RTBDN: variants seen among roughly 807,000 people sequenced by gnomAD.
RTBDN encodes retbindin.
A neutral mutation model predicts 21.9 loss-of-function variants in RTBDN; 24 were observed. The observed-to-expected ratio is 1.10, with a 90% CI of 0.79 to 1.54. RTBDN has a LOEUF of 1.54. Among genes scored for constraint, RTBDN ranks in the 40% most tolerant of loss-of-function variants. The probability of loss-of-function intolerance (pLI) is 0.00; values close to 1 mark genes in which losing one functional copy is unlikely to be tolerated. For synonymous variants in RTBDN, 141 were observed against 125.9 expected (o/e 1.12, Z -0.80); for missense variants, 325 against 315.2 (o/e 1.03, Z -0.23).
Position 12,834,472 on chromosome 19 carries a change from C to G in RTBDN, c.-19+17G>C. On this transcript the variant is annotated intron_variant, in intron 1 of 5. Transcript: ENST00000674343. This position sits in a 1 kb window ranked among gnomAD's most constrained non-coding sequence, Gnocchi z 4.7. ...GCCCCCTCCCGAGGCATAGGACGCCCTGCGTCCCCCACGCACCTGCCTGGC... is the reference window on the plus strand; with the variant it reads ...GCCCCCTCCCGAGGCATAGGACGCCGTGCGTCCCCCACGCACCTGCCTGGC... 4.6e-6 allele frequency: 7 copies of G among 1,524,684 alleles called. No homozygotes were observed. Among genetic ancestry groups the G allele is most frequent in the Non-Finnish European group, 6.2e-6 (7 of 1,136,400 alleles). 94.4% of individuals were successfully genotyped at this position (1,524,684 alleles called of 1,614,324 possible).
rs529170216 is a variant in RTBDN, at chr19:12,834,439, C to T, written c.-19+50G>A. 3.5e-5 allele frequency: 50 copies of T among 1,425,278 alleles called. No homozygotes were observed. In the South Asian group the frequency reaches 5.0e-4, roughly 14 times the overall value. The allele number at this position is 1,425,278 out of a possible 1,614,324, so 88.3% of individuals were successfully genotyped here. Reference sequence around the variant, plus strand: ...TGTGCGGCAACCTCGCCCCTCACCACCCCAGGAGCCCCCTCCCGAGGCATA... The same window carrying T: ...TGTGCGGCAACCTCGCCCCTCACCATCCCAGGAGCCCCCTCCCGAGGCATA... On this transcript the variant is annotated intron_variant, in intron 1 of 5. Coordinates refer to ENST00000674343, the MANE Select transcript of RTBDN (RefSeq NM_001270441.2). This position sits in a 1 kb window ranked among gnomAD's most constrained non-coding sequence, Gnocchi z 4.7.
rs776889573 is a variant in RTBDN at position 12,830,192 on chromosome 19, A to G, written c.-18-195T>C. 3.5e-5 allele frequency: 47 copies of G among 1,350,450 alleles called. No homozygotes were observed. The Middle Eastern group carries it at 1.1e-3, about 31-fold the overall frequency. 83.7% of individuals were successfully genotyped at this position (1,350,450 alleles called of 1,614,324 possible). A position where few individuals can be genotyped will look rare whatever the true frequency, so the allele number is the denominator to read the frequency against. ...CCTCCAACCTAGGAGCCCCCCTCCC[A>G]TCAGAACCATGTCCTCTATGTCCCT... On this transcript the variant is annotated intron_variant, in intron 1 of 5. Coordinates refer to ENST00000674343, the MANE Select transcript of RTBDN (RefSeq NM_001270441.2). The surrounding 1 kb of genome is among the most constrained non-coding windows in gnomAD (Gnocchi z 4.2).
At chr19:12,826,053 G>C (rs984402213) in intron 5 of RTBDN, 120 bp from the exon 6 acceptor site, 2 of 1,425,274 alleles carry the variant, frequency 1.4e-6, no homozygotes, top group Admixed American at 3.0e-5. Context: ...GGAGCGTGCG[G>C]CCTGGGAGTC....
intron 1 of RTBDN, chr19:12,833,916 C>T (rs1182220186): frequency 1.0e-5 from 4 of 396,440 alleles, no homozygotes; most frequent in African/African-American, 6.2e-5. Context: ...CTCCTCCCGC[C>T]GCCGCTACCT....
intron 4 of RTBDN, among the ~76,000 whole-genome samples, chr19:12,827,973 A>G (rs893075920): frequency 6.6e-6 from 1 of 151,874 alleles, no homozygotes; most frequent in African/African-American, 2.4e-5. Context: ...GAAGCATGTA[A>G]TCTCAGCTAC....
intron 1 of RTBDN, among the ~76,000 whole-genome samples, chr19:12,831,576 C>T (rs1048131479): frequency 6.6e-6 from 1 of 152,142 alleles, no homozygotes; most frequent in East Asian, 1.9e-4. Context: ...CATGGTGGCA[C>T]ATGCTTGTAA....
At position 12,834,341 on chromosome 19, in the gene RTBDN, C is replaced by A. The variant is rs1181604819; in HGVS notation, c.-19+148G>T. On this transcript the variant is annotated intron_variant, in intron 1 of 5. Coordinates refer to ENST00000674343, the MANE Select transcript of RTBDN (RefSeq NM_001270441.2). This position sits in a 1 kb window ranked among gnomAD's most constrained non-coding sequence, Gnocchi z 4.7. ...CCTCGCCAGGCTAGGGGTGAGGGGG[C>A]GCAGAGCAAAGTTATTGCCCTAGGG... is the stretch of plus-strand genomic sequence containing the variant. The A allele has an allele frequency of 3.2e-6, 2 of 622,176 alleles. No homozygotes were observed. The highest frequency in any genetic ancestry group is 3.7e-5 in the African/African-American group (2 of 54,184). The allele number at this position is 622,176 out of a possible 1,614,324, so 38.5% of individuals were successfully genotyped here. A position where few individuals can be genotyped will look rare whatever the true frequency, so the allele number is the denominator to read the frequency against.
Position 12,834,139 on chromosome 19 carries a change from G to C in RTBDN, c.-19+350C>G, listed in dbSNP as rs937482256. 26 of 401,132 alleles carry C rather than the reference G, an allele frequency of 6.5e-5. No homozygotes were observed. Among genetic ancestry groups the C allele is most frequent in the Admixed American group, 1.7e-4 (4 of 23,158 alleles). The allele number at this position is 401,132 out of a possible 1,614,324, so 24.8% of individuals were successfully genotyped here. Reference sequence around the variant, plus strand: ...CCCATAGGTTCGGGACGCTAACCGCGGGGAACGCTGTGGCCGCGCGTCCCG... The same window carrying C: ...CCCATAGGTTCGGGACGCTAACCGCCGGGAACGCTGTGGCCGCGCGTCCCG... On this transcript the variant is annotated intron_variant, in intron 1 of 5. Transcript: ENST00000674343. The surrounding 1 kb of genome is among the most constrained non-coding windows in gnomAD (Gnocchi z 4.7).
At position 12,828,642 on chromosome 19, in the gene RTBDN, C is replaced by CT; in HGVS notation, c.365+14_365+15insA. The CT allele has an allele frequency of 1.3e-6, 2 of 1,598,616 alleles. No homozygotes were observed. The highest frequency in any genetic ancestry group is 1.7e-6 in the Non-Finnish European group (2 of 1,169,536). ...CCAAGTCACAACCCACGCCCCTTGC[C>CT]CCCGCGTCTCCTACCAGGCCTGGCA... On this transcript the variant is annotated intron_variant, in intron 4 of 5. Coordinates refer to ENST00000674343, the MANE Select transcript of RTBDN (RefSeq NM_001270441.2).
rs1487788682 is a variant in RTBDN, at chr19:12,830,717, A to C, written c.-18-720T>G. 1.9e-5 allele frequency: 19 copies of C among 975,656 alleles called. No homozygotes were observed. Among genetic ancestry groups the C allele is most frequent in the Non-Finnish European group, 2.3e-5 (19 of 821,242 alleles). The allele number at this position is 975,656 out of a possible 1,614,324, so 60.4% of individuals were successfully genotyped here. A position where few individuals can be genotyped will look rare whatever the true frequency, so the allele number is the denominator to read the frequency against. On this transcript the variant is annotated intron_variant, in intron 1 of 5. Coordinates refer to ENST00000674343, the MANE Select transcript of RTBDN (RefSeq NM_001270441.2). This position sits in a 1 kb window ranked among gnomAD's most constrained non-coding sequence, Gnocchi z 4.2. ...GCTTAATGCAGGGGCGGGACCTCCCACCGTCCTGCCCACACTCCAGCTGAC... is the reference window on the plus strand; with the variant it reads ...GCTTAATGCAGGGGCGGGACCTCCCCCCGTCCTGCCCACACTCCAGCTGAC...
At position 12,834,272 on chromosome 19, in the gene RTBDN, CG is replaced by C. The variant is rs1207524037; in HGVS notation, c.-19+216del. 6.6e-6 allele frequency among the ~76,000 whole-genome samples: 1 copy of C among 152,180 alleles called. No homozygotes were observed. The highest frequency in any genetic ancestry group is 2.4e-5 in the African/African-American group (1 of 41,456). ...AGGATCGCCTGAGGGGCGCCTGGCC[CG>C]CCCTAGGGGGATGGGGCTGGGGCCG... On this transcript the variant is annotated intron_variant, in intron 1 of 5. Coordinates refer to ENST00000674343, the MANE Select transcript of RTBDN (RefSeq NM_001270441.2). This position sits in a 1 kb window ranked among gnomAD's most constrained non-coding sequence, Gnocchi z 4.7.
In RTBDN at chr19:12,826,799, C is replaced by A; in HGVS notation, c.438G>T (p.Glu146Asp). 6.4e-7 allele frequency: 1 copy of A among 1,554,654 alleles called. No individual in the cohort carries two copies. Among genetic ancestry groups the A allele is most frequent in the Non-Finnish European group, 8.7e-7 (1 of 1,149,140 alleles). Reference sequence around the variant, plus strand: ...CCTGTCCATAGGTAAGGCAGCTGGGCTCACAGCCCCTTTTTTCTGAGAGTG... The same window carrying A: ...CCTGTCCATAGGTAAGGCAGCTGGGATCACAGCCCCTTTTTTCTGAGAGTG... ...WLPLSEKRGC[E>D]PSCLTYGQTF... The change falls in exon 5 of 6, where the codon GAG becomes GAT. Residue 146 changes from glutamate to aspartate, a missense_variant. By Grantham distance (45) the Glu-to-Asp change is conservative. Coordinates refer to ENST00000674343, the MANE Select transcript of RTBDN (RefSeq NM_001270441.2).
chr19:12,832,829 C>A (rs1448867728), intron 1 of RTBDN: 1 of 152,226 alleles, frequency 6.6e-6, no homozygotes, highest in Non-Finnish European at 1.5e-5. Flanking sequence ...TCGCTGTTAC[C>A]CAGCGACCGC....
chr19:12,828,384 A>G (rs533676105), intron 4 of RTBDN, among the ~76,000 whole-genome samples: 17 of 152,098 alleles, frequency 1.1e-4, no homozygotes, highest in African/African-American at 3.6e-4. Flanking sequence ...TGACACAGTG[A>G]GACTCCATCT....
chr19:12,833,775 G>C (rs1421277894), intron 1 of RTBDN, among the ~76,000 whole-genome samples: 5 of 126,496 alleles, frequency 4.0e-5, no homozygotes, highest in Non-Finnish European at 6.4e-5. Flanking sequence ...GCCCGGGCTC[G>C]GGCGCCCAGA....
chr19:12,828,924 T>A lies in RTBDN; in HGVS notation c.199A>T (p.Thr67Ser), dbSNP rs772430097. 2 of 1,614,032 alleles carry A rather than the reference T, an allele frequency of 1.2e-6. No homozygotes were observed. The highest frequency in any genetic ancestry group is 2.7e-5 in the African/African-American group (2 of 74,916). Residue 67 changes from threonine (T) to serine (S), a missense_variant, in exon 3 of 6, where the codon ACA (threonine) becomes TCA (serine). Thr to Ser is a moderately conservative substitution (Grantham distance 58). Transcript: ENST00000674343. ...TGGTTTCCAGGGCCCGATGTCTCTG[T>A]TGTGTCCATCTCTGAGGGACAACAA... ...GPCCPSEMDT[T>S]ETSGPGNHPE... is the part of the protein sequence containing the mutation.
intron 5 of RTBDN, chr19:12,826,154 G>A: frequency 7.2e-7 from 1 of 1,382,636 alleles, no homozygotes; most frequent in Non-Finnish European, 9.3e-7. Flanking sequence ...GGGGCAGTTG[G>A]GGGGCGCGCA....
chr19:12,828,815 T>C, intron 3 of RTBDN, 48 bp from the exon 4 acceptor site: 1 of 1,612,982 alleles, frequency 6.2e-7, no homozygotes, highest in Non-Finnish European at 8.5e-7. Flanking sequence ...CCCGAGGGAG[T>C]TCCTGGGCAA....
Position 12,825,638 on chromosome 19 carries a change from G to A in RTBDN, c.*68C>T. On this transcript the variant is annotated 3_prime_UTR_variant, in exon 6 of 6. Coordinates refer to ENST00000674343, the MANE Select transcript of RTBDN (RefSeq NM_001270441.2). ...AGAAGGCCGAGAGGACGAGGGGTGG[G>A]GTTCTGGGTGTCCTGAGGGGCGGGG... The A allele has an allele frequency of 6.6e-7, 1 of 1,512,782 alleles. No homozygotes were observed. Among genetic ancestry groups the A allele is most frequent in the Non-Finnish European group, 8.9e-7 (1 of 1,129,508 alleles). 93.7% of individuals were successfully genotyped at this position (1,512,782 alleles called of 1,614,324 possible).
Sources: allele counts gnomAD v4.1 joint callset (sites outside exome capture counted in the v4.1 genomes callset), GRCh38; gene constraint gnomAD v4.1.1; non-coding constraint Gnocchi (gnomAD v3.1); transcripts MANE v1.5; gene names NCBI Gene and HGNC (gene_info 2026-07-23, HGNC 2026-07-21).